Variants in PCSK2 observed in about 807,000 individuals in gnomAD.
PCSK2 encodes neuroendocrine convertase 2.
PCSK2 carries 14 observed loss-of-function variants against 69.7 expected under a neutral mutation model. The ratio of observed to expected loss-of-function variants is 0.20; its 90% CI spans 0.13 to 0.31. PCSK2 has a LOEUF of 0.31. Among genes scored for constraint, PCSK2 ranks in the 10% least tolerant of loss-of-function variants. PCSK2 has a pLI of 1.00. For synonymous variants in PCSK2, 307 were observed against 320.7 expected, an observed-to-expected ratio of 0.96 and a Z score of 0.46; for missense variants, 544 against 842.5, an observed-to-expected ratio of 0.65 and a Z score of 4.39.
At chr20:17,238,127 A>G (rs1986414021) in intron 1 of PCSK2, among the ~76,000 whole-genome samples, 1 of 152,216 alleles carries the variant, frequency 6.6e-6, no homozygotes, top group African/African-American at 2.4e-5. Context: ...TACAGGAAAA[A>G]AGCCCAATCA....
At chr20:17,371,212 C>T (rs963794404) in intron 5 of PCSK2, among the ~76,000 whole-genome samples, 1 of 152,154 alleles carries the variant, frequency 6.6e-6, no homozygotes, top group African/African-American at 2.4e-5. Context: ...ACATGGAGAC[C>T]GACCTCTGCA....
At chr20:17,276,906 C>T (rs1336769980) in intron 2 of PCSK2, among the ~76,000 whole-genome samples, 2 of 152,098 alleles carry the variant, frequency 1.3e-5, no homozygotes, top group African/African-American at 2.4e-5. Context: ...AAATCACAAG[C>T]GTTCTTATAC....
At chr20:17,446,795 C>T (rs1210019134) in intron 8 of PCSK2, among the ~76,000 whole-genome samples, 1 of 152,086 alleles carries the variant, frequency 6.6e-6, no homozygotes, top group East Asian at 1.9e-4. Flanking sequence ...TTTTAAAATT[C>T]ATATTTTAAT....
At chr20:17,374,258 A>G (rs1440982989) in intron 5 of PCSK2, among the ~76,000 whole-genome samples, 1 of 152,202 alleles carries the variant, frequency 6.6e-6, no homozygotes, top group East Asian at 1.9e-4. Context: ...GGTGAGGGGT[A>G]GGCAGACAGG....
chr20:17,477,181 T>C (rs1012582364), intron 11 of PCSK2, among the ~76,000 whole-genome samples: 1 of 152,238 alleles, frequency 6.6e-6, no homozygotes, highest in Non-Finnish European at 1.5e-5. Flanking sequence ...ATGACCACTG[T>C]CTTTTTGTAA....
intron 11 of PCSK2, among the ~76,000 whole-genome samples, chr20:17,466,788 G>A (rs2033108753): frequency 6.6e-6 from 1 of 152,192 alleles, no homozygotes; most frequent in Non-Finnish European, 1.5e-5. Flanking sequence ...ATCAACCCAG[G>A]AAGATTCGTC....
At chr20:17,288,817 A>G (rs1320188478) in intron 2 of PCSK2, among the ~76,000 whole-genome samples, 1 of 152,164 alleles carries the variant, frequency 6.6e-6, no homozygotes, top group Non-Finnish European at 1.5e-5. Context: ...GAGAAAATAA[A>G]TTTCTGTTGT....
chr20:17,251,836 A>G (rs1009224140), intron 1 of PCSK2, among the ~76,000 whole-genome samples: 5 of 152,210 alleles, frequency 3.3e-5, no homozygotes. Context: ...GGAAGACTCA[A>G]CAGCTAGAGG....
rs138610669 is a variant in PCSK2, at chr20:17,479,362, C to G, written c.1431-2222C>G. 3,493 of 707,208 alleles carry G rather than the reference C, an allele frequency of 4.9e-3. 18 individuals carry two copies. Among genetic ancestry groups the G allele is most frequent in the Non-Finnish European group, 7.3e-3 (2,797 of 381,824 alleles). The allele number at this position is 707,208 out of a possible 1,614,324, so 43.8% of individuals were successfully genotyped here. Reference sequence around the variant, plus strand: ...CCACCTAAAACCCCGTCTGCACATTCTTTGACAATATTGTGGGCTTCCTCA... The same window carrying G: ...CCACCTAAAACCCCGTCTGCACATTGTTTGACAATATTGTGGGCTTCCTCA... On this transcript the variant is annotated intron_variant, in intron 11 of 11. Transcript: ENST00000262545.
Position 17,239,642 on chromosome 20 carries a change from A to G in PCSK2, c.177+12160A>G, listed in dbSNP as rs113651203. ...GGACCAAGAAATTAGCAAGAGCTAC[A>G]GTCATACCACAGGGACGTATAGAAG... On this transcript the variant is annotated intron_variant, in intron 1 of 11. Transcript: ENST00000262545. Among the ~76,000 whole-genome samples the G allele has an allele frequency of 2.3e-3, 356 of 152,272 alleles. 1 individual carries two copies. Among genetic ancestry groups the G allele is most frequent in the Non-Finnish European group, 3.6e-3 (244 of 68,022 alleles).
rs551861013 is a variant in PCSK2, at chr20:17,323,317, G to A, written c.283-35010G>A. On this transcript the variant is annotated intron_variant, in intron 2 of 11. Transcript: ENST00000262545. The stretch of plus-strand genomic sequence containing the variant: ...GGGATGACCATGTGAGGAAACACAG[G>A]GAGAAGACAGCCATCTGCAAGCCAA... Among the ~76,000 whole-genome samples, 140 of 152,306 alleles carry A rather than the reference G, an allele frequency of 9.2e-4. 1 individual carries two copies. The highest frequency in any genetic ancestry group is 3.3e-3 in the African/African-American group (136 of 41,566).
intron 7 of PCSK2, 79 bp from the exon 8 acceptor site, chr20:17,436,629 C>T: frequency 1.6e-6 from 2 of 1,276,670 alleles, no homozygotes; most frequent in Non-Finnish European, 2.2e-6. Context: ...GTACCCAGGG[C>T]CCAAGCCCTC....
chr20:17,248,175 GGTGTGTGTGT>G (rs10640964), intron 1 of PCSK2, among the ~76,000 whole-genome samples: 29,483 of 144,386 alleles, frequency 0.2, 3,279 homozygotes, highest in Middle Eastern at 0.3. Context: ...TATAAAAAAG[GGTGTGTGTGT>G]GTGTGTGTGT....
intron 10 of PCSK2, among the ~76,000 whole-genome samples, chr20:17,461,810 T>G (rs16999205): frequency 0.021 from 3,190 of 152,328 alleles, 125 homozygotes; most frequent in African/African-American, 0.073. Flanking sequence ...GTCAGGTTCC[T>G]ACAAAGGATA....
chr20:17,249,421 G>C (rs1037014851), intron 1 of PCSK2, among the ~76,000 whole-genome samples: 3 of 151,396 alleles, frequency 2.0e-5, no homozygotes, highest in Non-Finnish European at 4.4e-5. Context: ...GCAGGAGAAT[G>C]GCGTTAACCT....
At chr20:17,450,068 C>T (rs996320871) in intron 8 of PCSK2, among the ~76,000 whole-genome samples, 6 of 111,730 alleles carry the variant, frequency 5.4e-5, no homozygotes, top group African/African-American at 2.0e-4. Context: ...CTCACTGTCG[C>T]CTAGGCTGGA....
At chr20:17,347,840 GAA>G (rs1568612062) in intron 2 of PCSK2, among the ~76,000 whole-genome samples, 2 of 123,964 alleles carry the variant, frequency 1.6e-5, no homozygotes, top group Non-Finnish European at 3.4e-5. Flanking sequence ...AAGAAAGAAA[GAA>G]AGAAAGAAAG....
intron 2 of PCSK2, among the ~76,000 whole-genome samples, chr20:17,328,081 G>A (rs888859383): frequency 6.6e-6 from 1 of 152,164 alleles, no homozygotes; most frequent in Non-Finnish European, 1.5e-5. Flanking sequence ...CTCCTTTAAA[G>A]AGTGGTAGGA....
intron 2 of PCSK2, among the ~76,000 whole-genome samples, chr20:17,290,048 C>A (rs1988646230): frequency 6.6e-6 from 1 of 152,188 alleles, no homozygotes; most frequent in South Asian, 2.1e-4. Context: ...TAGCATTTTT[C>A]CTCTGTCATC....
Sources: allele counts gnomAD v4.1 joint callset (sites outside exome capture counted in the v4.1 genomes callset), GRCh38; gene constraint gnomAD v4.1.1; transcripts MANE v1.5; gene names NCBI Gene and HGNC (gene_info 2026-07-23, HGNC 2026-07-21).